GPC1: variants seen among roughly 807,000 people sequenced by gnomAD.
GPC1 encodes the protein glypican-1.
GPC1 carries 26 observed loss-of-function variants against 51.5 expected under a neutral mutation model. That is an observed-to-expected ratio of 0.50 (90% CI 0.37 to 0.70). GPC1 has a LOEUF of 0.70. Among genes scored for constraint, GPC1 ranks in the 30% least tolerant of loss-of-function variants. The pLI, the probability that GPC1 is intolerant of heterozygous loss-of-function variation, is 0.00. For missense variants in GPC1, 775 were observed against 800.5 expected (o/e 0.97, Z 0.38); for synonymous variants, 380 against 348.3 (o/e 1.09, Z -1.01).
chr2:240,465,362 T>A (rs1038045457), intron 7 of GPC1, 111 bp from the exon 8 acceptor site: 7 of 1,345,024 alleles, frequency 5.2e-6, no homozygotes, highest in Non-Finnish European at 7.2e-6. Flanking sequence ...GCTCGGTCCC[T>A]GGAAGCTGCT....
chr2:240,465,097 G>A lies in GPC1; in HGVS notation c.1155G>A (p.Gln385=), dbSNP rs1168029297. ...LEKLVSEAKA[Q]LRDVQDFWIS... ...CACAGGTCTCCGAAGCCAAGGCCCA[G>A]CTCCGCGACGTCCAGGACTTCTGGA... The change falls in exon 7 of 9, where the codon CAG becomes CAA. Residue 385 remains glutamine, a synonymous_variant. Transcript: ENST00000264039. The A allele has an allele frequency of 4.3e-6, 7 of 1,609,300 alleles. No individual in the cohort carries two copies. The South Asian group carries it at 7.8e-5, about 18-fold the overall frequency.
At chr2:240,442,992 G>C (rs867274550) in intron 1 of GPC1, among the ~76,000 whole-genome samples, 6 of 152,266 alleles carry the variant, frequency 3.9e-5, no homozygotes, top group African/African-American at 1.4e-4. Context: ...TCAGCGTCAG[G>C]CCCTGCACAG....
Position 240,455,098 on chromosome 2 carries a change from G to C in GPC1, c.167-3932G>C, listed in dbSNP as rs990775967. 5 of 166,984 alleles carry C rather than the reference G, an allele frequency of 3.0e-5. No homozygotes were observed. The South Asian group carries it at 9.3e-4, about 31-fold the overall frequency. The allele number at this position is 166,984 out of a possible 1,614,324, so 10.3% of individuals were successfully genotyped here. A position where few individuals can be genotyped will look rare whatever the true frequency, so the allele number is the denominator to read the frequency against. On this transcript the variant is annotated intron_variant, in intron 1 of 8. Transcript: ENST00000264039. Reference sequence around the variant, plus strand: ...GGTCCAGAACCGTCAGGATCGGGAGGGGGAAGATGGAACGAGACAGCAGCT... The same window carrying C: ...GGTCCAGAACCGTCAGGATCGGGAGCGGGAAGATGGAACGAGACAGCAGCT...
chr2:240,454,104 G>C (rs1047668678), intron 1 of GPC1, among the ~76,000 whole-genome samples: 3 of 152,168 alleles, frequency 2.0e-5, no homozygotes, highest in Non-Finnish European at 4.4e-5. Flanking sequence ...GGGGAGGGGA[G>C]GGAAGCACGA....
chr2:240,435,720 A>C lies in GPC1; in HGVS notation c.-199A>C, dbSNP rs2073978340. 1 of 240,490 alleles carries C rather than the reference A, an allele frequency of 4.2e-6. No individual in the cohort carries two copies. Among genetic ancestry groups the C allele is most frequent in the Non-Finnish European group, 7.7e-6 (1 of 129,946 alleles). 14.9% of individuals were successfully genotyped at this position (240,490 alleles called of 1,614,324 possible). On this transcript the variant is annotated 5_prime_UTR_variant, in exon 1 of 9. Coordinates refer to ENST00000264039, the MANE Select transcript of GPC1 (RefSeq NM_002081.3). ...CTGGGCTGCCCGAGCGAGCGTTCGG[A>C]CCTCGCACCCCGCGCGCCCCGCGCC... is the stretch of plus-strand genomic sequence containing the variant.
At chr2:240,451,058 A>G in intron 1 of GPC1, 1 of 461,836 alleles carries the variant, frequency 2.2e-6, no homozygotes, top group Non-Finnish European at 4.5e-6. Flanking sequence ...ATGACCACAG[A>G]GATGGCTTCT....
rs149475319 is a variant in GPC1, at chr2:240,466,065, C to T, written c.1452C>T (p.Asp484=). The T allele has an allele frequency of 6.5e-5, 105 of 1,608,692 alleles. 2 individuals are homozygous for T. Among genetic ancestry groups the T allele is most frequent in the Non-Finnish European group, 8.8e-5 (103 of 1,176,866 alleles). ...GCCTCCTCTCCTTCCCAGGTGACGA[C>T]GGCAGCGGCTCGGGCAGCGGTGATG... ...NDVDFQDASD[D]GSGSGSGDGC... Residue 484 remains aspartate (D), a synonymous_variant, in exon 9 of 9, where the codon GAC becomes GAT. Transcript: ENST00000264039.
chr2:240,457,177 C>G (rs967991668), intron 1 of GPC1, among the ~76,000 whole-genome samples: 6 of 152,152 alleles, frequency 3.9e-5, no homozygotes, highest in Non-Finnish European at 8.8e-5. Context: ...AGCCAGAGCC[C>G]CCTGCATCAG....
chr2:240,457,364 G>A (rs1028818947), intron 1 of GPC1: 20 of 448,194 alleles, frequency 4.5e-5, no homozygotes, highest in South Asian at 2.7e-4. Flanking sequence ...GCCCGGATTC[G>A]GGTTCTCTGT....
intron 1 of GPC1, among the ~76,000 whole-genome samples, chr2:240,441,935 G>T (rs1308144481): frequency 6.6e-6 from 1 of 152,188 alleles, no homozygotes; most frequent in East Asian, 1.9e-4. Context: ...CGTGGGTGGC[G>T]GGGAAGTACA....
chr2:240,464,475 G>A (rs1396272636), intron 4 of GPC1, 141 bp from the exon 5 acceptor site: 1 of 1,139,840 alleles, frequency 8.8e-7, no homozygotes, highest in South Asian at 1.3e-5. Flanking sequence ...GCCAACCTGA[G>A]TGCACACGTG....
At chr2:240,438,294 G>C (rs2073996471) in intron 1 of GPC1, among the ~76,000 whole-genome samples, 1 of 152,204 alleles carries the variant, frequency 6.6e-6, no homozygotes, top group Admixed American at 6.5e-5. Context: ...TAACCTTCGG[G>C]ACCCAGGGTA....
chr2:240,464,212 G>A (rs1272239351), intron 4 of GPC1: 1 of 261,840 alleles, frequency 3.8e-6, no homozygotes, highest in Non-Finnish European at 7.6e-6. Context: ...TGTACATGGG[G>A]GGGGCATGAG....
chr2:240,436,294 C>CTCCTCCGCCCCGCTCGGTCG (rs1420554969), intron 1 of GPC1, among the ~76,000 whole-genome samples: 1 of 152,084 alleles, frequency 6.6e-6, no homozygotes, highest in Non-Finnish European at 1.5e-5. Flanking sequence ...TCGCCAGGGT[C>CTCCTCCGCCCCGCTCGGTCG]TCCTCCGCCC....
At chr2:240,465,442 G>A in intron 7 of GPC1, 31 bp from the exon 8 acceptor site, 2 of 1,606,470 alleles carry the variant, frequency 1.2e-6, no homozygotes, top group Non-Finnish European at 1.7e-6. Context: ...GGCTGGAGCA[G>A]TGACCTGGGC....
intron 1 of GPC1, among the ~76,000 whole-genome samples, chr2:240,446,570 C>G (rs1050850704): frequency 2.6e-5 from 4 of 152,224 alleles, no homozygotes; most frequent in African/African-American, 9.6e-5. Context: ...CTAAAGACCA[C>G]TCCCTGGCTG....
At chr2:240,436,978 C>T (rs1280348365) in intron 1 of GPC1, among the ~76,000 whole-genome samples, 2 of 152,234 alleles carry the variant, frequency 1.3e-5, no homozygotes, top group Non-Finnish European at 2.9e-5. Flanking sequence ...GAACGGTGGG[C>T]TCCGTGTGCT....
chr2:240,440,937 G>A (rs757342586), intron 1 of GPC1, among the ~76,000 whole-genome samples: 68 of 152,368 alleles, frequency 4.5e-4, no homozygotes, highest in Non-Finnish European at 6.8e-4. Flanking sequence ...CGTGTGCCAC[G>A]AAGCCCTGCA....
chr2:240,458,676 T>C (rs2074191270), intron 1 of GPC1: 1 of 232,244 alleles, frequency 4.3e-6, no homozygotes, highest in Admixed American at 5.1e-5. Flanking sequence ...AGGGGTGCCT[T>C]TCGGGCCTGG....
Sources: gnomAD v4.1 joint callset for allele counts (sites outside exome capture counted in the v4.1 genomes callset) on GRCh38, gnomAD v4.1.1 for gene constraint, MANE v1.5 for transcripts, NCBI Gene and HGNC (gene_info 2026-07-23, HGNC 2026-07-21) for gene names.